Variants in RIPOR2 observed in about 807,000 individuals in gnomAD.
The protein encoded by RIPOR2 is RHO family interacting cell polarization regulator 2, also known as rho family-interacting cell polarization regulator 2.
A neutral mutation model predicts 114.5 loss-of-function variants in RIPOR2; 39 were observed. The observed-to-expected ratio is 0.34, with a 90% CI of 0.26 to 0.44. The LOEUF is 0.44. Among genes scored for constraint, RIPOR2 ranks in the 20% least tolerant of loss-of-function variants. The probability of loss-of-function intolerance (pLI) is 1.00; values close to 1 mark genes in which losing one functional copy is unlikely to be tolerated. For missense variants in RIPOR2, 1,007 were observed against 1,255.1 expected (o/e 0.80, Z 2.99); for synonymous variants, 445 against 484.4 (o/e 0.92, Z 1.07).
chr6:24,894,670 C>T (rs1034538262), intron 1 of RIPOR2, among the ~76,000 whole-genome samples: 6 of 152,152 alleles, frequency 3.9e-5, no homozygotes, highest in African/African-American at 1.4e-4. Flanking sequence ...TGTTCCCCGT[C>T]CCCAGGCGTT....
chr6:24,981,308 C>T (rs1328798435), intron 1 of RIPOR2, among the ~76,000 whole-genome samples: 1 of 152,202 alleles, frequency 6.6e-6, no homozygotes, highest in East Asian at 1.9e-4. Flanking sequence ...TTAATTCTTG[C>T]TTACCCTGCG....
At chr6:24,940,026 G>A (rs991305307), upstream of RIPOR2, among the ~76,000 whole-genome samples, 6 of 152,118 alleles carry the variant, frequency 3.9e-5, no homozygotes, top group African/African-American at 1.4e-4. Flanking sequence ...TTCATTTGGA[G>A]AATAGTAATG....
chr6:24,846,703 G>A (rs993096085), intron 12 of RIPOR2, among the ~76,000 whole-genome samples: 5 of 151,960 alleles, frequency 3.3e-5, no homozygotes, highest in African/African-American at 9.7e-5. Flanking sequence ...TCAAAGCTTC[G>A]TTTTATACAT....
intron 15 of RIPOR2, among the ~76,000 whole-genome samples, chr6:24,833,900 A>C (rs550856419): frequency 2.6e-5 from 4 of 152,170 alleles, no homozygotes; most frequent in Admixed American, 2.6e-4. Context: ...GCGAGAAAAC[A>C]GTCACTCCTT....
At chr6:24,972,531 G>C (rs192707520) in intron 1 of RIPOR2, among the ~76,000 whole-genome samples, 9 of 152,296 alleles carry the variant, frequency 5.9e-5, no homozygotes, top group South Asian at 4.1e-4. Flanking sequence ...AGGTCTCAGA[G>C]GAGGGTAATA....
intron 1 of RIPOR2, among the ~76,000 whole-genome samples, chr6:24,919,400 A>G (rs1770314875): frequency 6.6e-6 from 1 of 152,254 alleles, no homozygotes; most frequent in Non-Finnish European, 1.5e-5. Flanking sequence ...AACAAATCCA[A>G]GAGCTTTGGT....
chr6:24,924,068 A>G (rs563303388), intron 1 of RIPOR2, among the ~76,000 whole-genome samples: 2 of 152,220 alleles, frequency 1.3e-5, no homozygotes, highest in South Asian at 4.1e-4. Flanking sequence ...ATGCAGGCTG[A>G]GCAGACCCAC....
At chr6:24,902,526 C>T (rs1768579762) in intron 1 of RIPOR2, among the ~76,000 whole-genome samples, 1 of 152,146 alleles carries the variant, frequency 6.6e-6, no homozygotes, top group Non-Finnish European at 1.5e-5. Flanking sequence ...ACTTTTCCTT[C>T]TCTTTTTCTC....
intron 1 of RIPOR2, among the ~76,000 whole-genome samples, chr6:24,923,172 C>T (rs1770631873): frequency 1.3e-5 from 2 of 152,100 alleles, no homozygotes; most frequent in African/African-American, 4.8e-5. Context: ...AGCATAATGC[C>T]CTCAAGGTCC....
chr6:25,033,414 GCACAAGGTGTTT>G lies in RIPOR2; in HGVS notation c.76+8425_76+8436del, dbSNP rs1307182088. On this transcript the variant is annotated intron_variant, in intron 1 of 13. Transcript: ENST00000510784. ...TTTTTGAGCACTTCTTTATTTTCTG[GCACAAGGTGTTT>G]CAGCCTCATCTTGTAATTTAACTGC... Among the ~76,000 whole-genome samples the G allele has an allele frequency of 3.9e-5, 6 of 152,012 alleles. No individual in the cohort carries two copies. The East Asian group carries it at 1.2e-3, about 29-fold the overall frequency.
chr6:24,895,690 G>C (rs954159565), intron 1 of RIPOR2, among the ~76,000 whole-genome samples: 1 of 152,240 alleles, frequency 6.6e-6, no homozygotes. Flanking sequence ...GGAATCTTAG[G>C]ATTTAAAAGA....
intron 1 of RIPOR2, among the ~76,000 whole-genome samples, chr6:24,955,780 A>G (rs1773008521): frequency 6.6e-6 from 1 of 151,704 alleles, no homozygotes; most frequent in African/African-American, 2.4e-5. Context: ...TGAGGTGGGT[A>G]GATCACTTGA....
In RIPOR2 at chr6:25,032,165, C is replaced by CAGCA. The variant is rs150764283; in HGVS notation, c.76+9682_76+9685dup. ...TACTGTCCTCCCTTTGATGCGGTAT[C>CAGCA]AGCAAGCGAATCCTTTATGGTGTTT... On this transcript the variant is annotated intron_variant, in intron 1 of 13. Transcript: ENST00000510784. Among the ~76,000 whole-genome samples the CAGCA allele has an allele frequency of 1.9e-3, 294 of 151,388 alleles. 3 individuals carry two copies. The highest frequency in any genetic ancestry group is 0.018 in the East Asian group (90 of 5,140).
intron 15 of RIPOR2, among the ~76,000 whole-genome samples, chr6:24,834,640 C>T (rs946680350): frequency 1.3e-5 from 2 of 152,064 alleles, no homozygotes; most frequent in African/African-American, 4.8e-5. Context: ...CTGAGAGACA[C>T]AGAAAGGAGT....
At chr6:24,984,233 C>T (rs1044913120) in intron 1 of RIPOR2, among the ~76,000 whole-genome samples, 10 of 152,200 alleles carry the variant, frequency 6.6e-5, no homozygotes, top group Admixed American at 2.0e-4. Context: ...AGCAACAAGG[C>T]TGTTTATTTC....
intron 1 of RIPOR2, among the ~76,000 whole-genome samples, chr6:24,967,636 C>T (rs2114232371): frequency 6.6e-6 from 1 of 152,228 alleles, no homozygotes; most frequent in Admixed American, 6.5e-5. Context: ...CCTCTCCTAA[C>T]CAGCATAAAG....
chr6:24,851,749 GAA>G (rs961386017), intron 9 of RIPOR2, among the ~76,000 whole-genome samples: 5 of 131,050 alleles, frequency 3.8e-5, no homozygotes, highest in African/African-American at 1.1e-4. Context: ...CTTGGATCAG[GAA>G]AAAAAAAAAA....
At chr6:24,890,161 C>A (rs770152669) in intron 1 of RIPOR2, among the ~76,000 whole-genome samples, 2 of 152,104 alleles carry the variant, frequency 1.3e-5, no homozygotes, top group Non-Finnish European at 1.5e-5. Context: ...TCCCAAAGTA[C>A]TGGGATTATG....
At chr6:24,971,493 A>G (rs9461088) in intron 1 of RIPOR2, among the ~76,000 whole-genome samples, 11,923 of 152,256 alleles carry the variant, frequency 0.078, 990 homozygotes, top group African/African-American at 0.21. Flanking sequence ...GTCCTTTCAA[A>G]ATGTTGACTG....
Sources: allele counts gnomAD v4.1 joint callset (sites outside exome capture counted in the v4.1 genomes callset), GRCh38; gene constraint gnomAD v4.1.1; transcripts MANE v1.5; gene names NCBI Gene and HGNC (gene_info 2026-07-23, HGNC 2026-07-21).